POLGARF: variants seen among roughly 807,000 people sequenced by gnomAD.
The protein encoded by POLGARF is POLG alternative reading frame.
the POLGARF span, chr15:89,333,589 G>A: frequency 6.2e-7 from 1 of 1,605,488 alleles, no homozygotes. Context: ...GGCTGCTGAG[G>A]CTGCTGTTGC....
the POLGARF span, among the ~76,000 whole-genome samples, chr15:89,330,466 G>A: frequency 3.9e-5 from 6 of 152,128 alleles, no homozygotes; most frequent in African/African-American, 1.4e-4. Context: ...TGTGCTGGCG[G>A]GCAAGAGCTA....
the POLGARF span, among the ~76,000 whole-genome samples, chr15:89,330,568 GGT>G: frequency 6.6e-6 from 1 of 152,304 alleles, no homozygotes; most frequent in East Asian, 1.9e-4. Context: ...GGGCTATCAA[GGT>G]GTTTGCTAGG....
At chr15:89,333,477 TC>T in the POLGARF span, 2 of 1,612,324 alleles carry the variant, frequency 1.2e-6, no homozygotes, top group Non-Finnish European at 8.5e-7. Flanking sequence ...GCCAGGCATC[TC>T]CCCTCCTTGC....
At chr15:89,332,270 G>C in the POLGARF span, 1 of 151,968 alleles carries the variant, frequency 6.6e-6, no homozygotes, top group South Asian at 2.1e-4. Flanking sequence ...TTAACATTTC[G>C]CAGCTTTCTT....
the POLGARF span, chr15:89,332,115 G>A: frequency 6.6e-6 from 1 of 152,104 alleles, no homozygotes; most frequent in Non-Finnish European, 1.5e-5. Context: ...CCTTTACTTT[G>A]ACCATCAAGT....
At chr15:89,333,436 G>A in the POLGARF span, 5 of 1,609,216 alleles carry the variant, frequency 3.1e-6, no homozygotes, top group Admixed American at 5.0e-5. Flanking sequence ...TGCTTCTGCA[G>A]GTGCTCGACG....
chr15:89,333,663 G>A, the POLGARF span: 1 of 1,565,246 alleles, frequency 6.4e-7, no homozygotes, highest in Non-Finnish European at 8.6e-7. Flanking sequence ...GTCGGACGCG[G>A]GGACGGAGCT....
chr15:89,333,120 G>A, the POLGARF span: 3 of 1,522,628 alleles, frequency 2.0e-6, no homozygotes, highest in Non-Finnish European at 2.6e-6. Flanking sequence ...TATGGCCACC[G>A]CCAATGTGGG....
the POLGARF span, chr15:89,333,550 G>A: frequency 1.9e-6 from 3 of 1,612,140 alleles, no homozygotes; most frequent in Non-Finnish European, 2.5e-6. Context: ...TTGTGCCGCA[G>A]CTGCCCGCCC....
At chr15:89,331,647 T>C in the POLGARF span, among the ~76,000 whole-genome samples, 26 of 152,346 alleles carry the variant, frequency 1.7e-4, no homozygotes, top group African/African-American at 5.5e-4. Context: ...GGGAGGCTCA[T>C]AGCTGACTAC....
At chr15:89,331,570 G>C in the POLGARF span, among the ~76,000 whole-genome samples, 4 of 152,230 alleles carry the variant, frequency 2.6e-5, no homozygotes, top group Non-Finnish European at 4.4e-5. Flanking sequence ...CTGATGGCCA[G>C]AGAGACGTCC....
chr15:89,333,265 G>A, the POLGARF span: 1 of 1,561,482 alleles, frequency 6.4e-7, no homozygotes, highest in Non-Finnish European at 8.7e-7. Flanking sequence ...GGGGGCTTCG[G>A]GGGCAGCTGG....
the POLGARF span, chr15:89,330,251 C>T: frequency 6.2e-7 from 1 of 1,612,374 alleles, no homozygotes; most frequent in Admixed American, 1.7e-5. Context: ...CGCTCTTCCA[C>T]CAGCCGCTGG....
At chr15:89,333,596 TTGCTGCTGCTGCTGCTGCTGC>T in the POLGARF span, 76 of 1,598,000 alleles carry the variant, frequency 4.8e-5, no homozygotes, top group Admixed American at 1.2e-4. Context: ...GAGGCTGCTG[TTGCTGCTGCTGCTGCTGCTGC>T]TGCTGCTGCT....
chr15:89,333,587 A>C, the POLGARF span: 1 of 1,605,880 alleles, frequency 6.2e-7, no homozygotes, highest in Non-Finnish European at 8.5e-7. Flanking sequence ...GCGGCTGCTG[A>C]GGCTGCTGTT....
At chr15:89,330,828 C>T in the POLGARF span, among the ~76,000 whole-genome samples, 2 of 151,992 alleles carry the variant, frequency 1.3e-5, no homozygotes, top group Admixed American at 6.6e-5. Context: ...AAATCACACA[C>T]CTTGGAGAAG....
the POLGARF span, chr15:89,333,055 C>T: frequency 1.3e-6 from 2 of 1,500,960 alleles, no homozygotes; most frequent in East Asian, 4.6e-5. Context: ...TTAAGCTGGG[C>T]CCCCATGCCT....
chr15:89,331,101 G>C, the POLGARF span, among the ~76,000 whole-genome samples: 1 of 152,064 alleles, frequency 6.6e-6, no homozygotes, highest in East Asian at 1.9e-4. Context: ...GGCCACGTGT[G>C]GACAACACAG....
chr15:89,331,935 A>G, the POLGARF span, among the ~76,000 whole-genome samples: 1 of 152,194 alleles, frequency 6.6e-6, no homozygotes, highest in Non-Finnish European at 1.5e-5. Context: ...GAGGGAAAGG[A>G]GAGGTAAAAA....
Sources: allele counts gnomAD v4.1 joint callset (sites outside exome capture counted in the v4.1 genomes callset), GRCh38; gene constraint gnomAD v4.1.1; transcripts MANE v1.5; gene names NCBI Gene and HGNC (gene_info 2026-07-23, HGNC 2026-07-21).